The following TENM1 variants were observed in gnomAD, a reference collection of about 807,000 sequenced individuals.
The protein encoded by TENM1 is teneurin-1.
A neutral mutation model predicts 174.8 loss-of-function variants in TENM1; 35 were observed. That is an observed-to-expected ratio of 0.20 (90% CI 0.15 to 0.27). The LOEUF (loss-of-function observed/expected upper bound fraction) is 0.27. Among genes scored for constraint, TENM1 ranks in the 10% least tolerant of loss-of-function variants. The pLI is 1.00. For synonymous variants in TENM1, 781 were observed against 798.7 expected, an observed-to-expected ratio of 0.98 and a Z score of 0.37; for missense variants, 1,633 against 2,130.1, an observed-to-expected ratio of 0.77 and a Z score of 4.59.
chrX:124,771,270 T>C (rs1225841800), intron 3 of TENM1, among the ~76,000 whole-genome samples: 1 of 112,569 alleles, frequency 8.9e-6, no homozygotes, highest in Non-Finnish European at 1.9e-5. Context: ...CCACCTTCAG[T>C]CCCATAGATC....
intron 3 of TENM1, among the ~76,000 whole-genome samples, chrX:124,810,918 G>A (rs1442457043): frequency 9.0e-6 from 1 of 111,488 alleles, no homozygotes; most frequent in African/African-American, 3.3e-5. Flanking sequence ...AATGATTTTT[G>A]ACAAAGGCAA....
rs1295058184 is a variant in TENM1 at position 124,757,161 on chromosome X, G to T, written c.536-19964C>A. 4.4e-5 allele frequency among the ~76,000 whole-genome samples: 5 copies of T among 112,371 alleles called. No individual in the cohort carries two copies. The South Asian group carries it at 1.1e-3, about 25-fold the overall frequency. On this transcript the variant is annotated intron_variant, in intron 3 of 31. Transcript: ENST00000422452. ...TTGGCTCCACCCAGTTCGAGCTTCCGGCCTGCTTTGTTTACCTAAGCAAGC... is the reference window on the plus strand; with the variant it reads ...TTGGCTCCACCCAGTTCGAGCTTCCTGCCTGCTTTGTTTACCTAAGCAAGC...
chrX:124,583,354 C>G (rs2049385525), intron 11 of TENM1, among the ~76,000 whole-genome samples: 1 of 111,614 alleles, frequency 9.0e-6, no homozygotes, highest in Middle Eastern at 4.2e-3. Flanking sequence ...GAGGAATGAT[C>G]AGACAGCACC....
intron 3 of TENM1, among the ~76,000 whole-genome samples, chrX:124,752,413 T>C (rs1277576972): frequency 8.9e-6 from 1 of 111,762 alleles, no homozygotes; most frequent in Non-Finnish European, 1.9e-5. Context: ...GATGAGTAGG[T>C]TGTGAAAATT....
the TENM1 span, among the ~76,000 whole-genome samples, chrX:125,046,884 GTGTT>G: frequency 9.5e-6 from 1 of 104,919 alleles, no homozygotes; most frequent in Non-Finnish European, 2.0e-5. Context: ...GTGTGTGTGT[GTGTT>G]TTGGGGGTTG....
intron 11 of TENM1, among the ~76,000 whole-genome samples, chrX:124,590,019 G>C (rs1164914850): frequency 9.0e-6 from 1 of 111,470 alleles, no homozygotes; most frequent in Non-Finnish European, 1.9e-5. Flanking sequence ...ATTAATTTGA[G>C]ATGTAACTTT....
chrX:124,958,422 T>C (rs1473525334), intron 1 of TENM1, among the ~76,000 whole-genome samples: 1 of 111,811 alleles, frequency 8.9e-6, no homozygotes, highest in Admixed American at 9.5e-5. Context: ...ATAGAGCATA[T>C]CATCTGCCCT....
intron 27 of TENM1, among the ~76,000 whole-genome samples, chrX:124,403,987 A>AGC (rs2060431960): frequency 9.0e-6 from 1 of 111,683 alleles, no homozygotes; most frequent in Non-Finnish European, 1.9e-5. Context: ...ACGACACAGC[A>AGC]ACACGTGCGT....
intron 4 of TENM1, among the ~76,000 whole-genome samples, chrX:124,734,447 CAAATAAATAAATAAAT>C (rs76682292): frequency 2.9e-5 from 3 of 104,350 alleles, no homozygotes; most frequent in East Asian, 3.1e-4. Flanking sequence ...GAGACTGTCT[CAAATAAATAAATAAAT>C]AAATAAATAA....
chrX:124,923,527 C>T (rs1269715639), intron 1 of TENM1, among the ~76,000 whole-genome samples: 2 of 111,700 alleles, frequency 1.8e-5, no homozygotes, highest in Admixed American at 1.9e-4. Context: ...AGAATAATGC[C>T]TAAAGACATC....
chrX:124,683,993 G>T (rs1301455782), intron 5 of TENM1, among the ~76,000 whole-genome samples: 3 of 112,002 alleles, frequency 2.7e-5, no homozygotes, highest in East Asian at 5.5e-4. Context: ...AAAATATGCA[G>T]TTTATGTTAA....
chrX:125,045,553 A>G, the TENM1 span, among the ~76,000 whole-genome samples: 101 of 111,422 alleles, frequency 9.1e-4, no homozygotes, highest in Non-Finnish European at 1.5e-3. Context: ...TTACTGTTTA[A>G]CACTTTACTA....
chrX:124,807,670 A>G (rs2055638896), intron 3 of TENM1, among the ~76,000 whole-genome samples: 1 of 111,124 alleles, frequency 9.0e-6, no homozygotes, highest in Non-Finnish European at 1.9e-5. Context: ...AAATGGTGAC[A>G]TTAAAAAATC....
chrX:124,892,753 T>A (rs1230911259), intron 3 of TENM1, among the ~76,000 whole-genome samples: 1 of 111,817 alleles, frequency 8.9e-6, no homozygotes, highest in East Asian at 2.8e-4. Context: ...AGAAAGTATA[T>A]GAAGACAGAA....
chrX:124,836,882 G>A (rs188717111), intron 3 of TENM1, among the ~76,000 whole-genome samples: 18 of 111,405 alleles, frequency 1.6e-4, no homozygotes, highest in African/African-American at 4.6e-4. Context: ...CTTTACTGTC[G>A]CTCTCACAGT....
chrX:124,999,261 A>T, the TENM1 span, among the ~76,000 whole-genome samples: 366 of 111,181 alleles, frequency 3.3e-3, 1 homozygote, highest in Non-Finnish European at 6.2e-3. Flanking sequence ...TTTATGTAAG[A>T]CTATTAAAGA....
Position 124,620,145 on chromosome X carries a change from CT to C in TENM1, c.2077+21645del, listed in dbSNP as rs2050485598. ...TGATTTCTCTGTATATTACTTACTT[CT>C]TTTCTATTCTTTAAAGAATGGGAGA... On this transcript the variant is annotated intron_variant, in intron 11 of 31. Coordinates refer to ENST00000422452, the Ensembl canonical transcript of TENM1. Among the ~76,000 whole-genome samples the C allele has an allele frequency of 2.7e-5, 3 of 112,208 alleles. No individual in the cohort carries two copies. In the Admixed American group the frequency reaches 2.8e-4, roughly 11 times the overall value.
the TENM1 span, among the ~76,000 whole-genome samples, chrX:125,194,986 C>G: frequency 7.0e-4 from 79 of 112,222 alleles, no homozygotes; most frequent in African/African-American, 2.5e-3. Context: ...CCGGAGTATG[C>G]TTATATATCT....
chrX:124,865,357 T>C (rs2056983016), intron 3 of TENM1, among the ~76,000 whole-genome samples: 2 of 112,042 alleles, frequency 1.8e-5, no homozygotes, highest in Admixed American at 1.9e-4. Flanking sequence ...AACAAAAAGT[T>C]AAAAAGCAGA....
Sources: gnomAD v4.1 joint callset for allele counts (sites outside exome capture counted in the v4.1 genomes callset) on GRCh38, gnomAD v4.1.1 for gene constraint, MANE v1.5 for transcripts, NCBI Gene and HGNC (gene_info 2026-07-23, HGNC 2026-07-21) for gene names.